The following NWD2 variants were observed in gnomAD, a reference collection of about 807,000 sequenced individuals.
NWD2 encodes NACHT and WD repeat domain-containing protein 2.
Under a neutral mutation model 132.7 loss-of-function variants are expected in NWD2, and 37 were observed. The ratio of observed to expected loss-of-function variants is 0.28; its 90% CI spans 0.21 to 0.37. The LOEUF is 0.37. NWD2 is among the 10% of genes least tolerant of loss of function. The pLI is 1.00. For synonymous variants in NWD2, 705 were observed against 803.0 expected (o/e 0.88, Z 2.06); for missense variants, 1,592 against 2,122.4 (o/e 0.75, Z 4.91).
intron 3 of NWD2, among the ~76,000 whole-genome samples, chr4:37,426,482 C>T (rs1323092163): frequency 1.3e-5 from 2 of 152,150 alleles, no homozygotes; most frequent in African/African-American, 2.4e-5. Context: ...CTTTAAGGAA[C>T]ATTCTGCCTT....
chr4:37,344,499 T>G (rs1719591240), intron 2 of NWD2, among the ~76,000 whole-genome samples: 1 of 152,130 alleles, frequency 6.6e-6, no homozygotes, highest in South Asian at 2.1e-4. Context: ...GTAGCCAAAC[T>G]ATAAGGAAAT....
intron 3 of NWD2, among the ~76,000 whole-genome samples, chr4:37,404,295 T>A (rs1720952949): frequency 6.6e-6 from 1 of 152,242 alleles, no homozygotes; most frequent in African/African-American, 2.4e-5. Context: ...GAAAGCTCTG[T>A]TGTTATTATT....
intron 4 of NWD2, among the ~76,000 whole-genome samples, chr4:37,432,399 CG>C (rs1336948320): frequency 6.6e-6 from 1 of 150,790 alleles, no homozygotes; most frequent in Admixed American, 6.6e-5. Flanking sequence ...AAATTGATCA[CG>C]TGAAACTGAT....
chr4:37,309,372 C>A (rs1718781248), intron 1 of NWD2, among the ~76,000 whole-genome samples: 2 of 152,118 alleles, frequency 1.3e-5, no homozygotes, highest in East Asian at 1.9e-4. Context: ...ATCACCTGTT[C>A]CCTTGGGTAC....
At chr4:37,384,606 A>G (rs1020382030) in intron 3 of NWD2, among the ~76,000 whole-genome samples, 9 of 152,226 alleles carry the variant, frequency 5.9e-5, no homozygotes, top group African/African-American at 1.7e-4. Flanking sequence ...ATTTAATGCT[A>G]GAACTGCTGG....
At chr4:37,307,418 GT>G (rs149705476) in intron 1 of NWD2, among the ~76,000 whole-genome samples, 1 of 151,670 alleles carries the variant, frequency 6.6e-6, no homozygotes, top group Non-Finnish European at 1.5e-5. Context: ...GGCTGCCAGG[GT>G]TTTTTTTCTT....
chr4:37,291,945 T>C (rs1479072848), intron 1 of NWD2, among the ~76,000 whole-genome samples: 2 of 152,184 alleles, frequency 1.3e-5, no homozygotes, highest in Admixed American at 6.5e-5. Flanking sequence ...ATAAGAAATA[T>C]TGTCTGAATG....
At chr4:37,364,030 G>A (rs529712561) in intron 3 of NWD2, among the ~76,000 whole-genome samples, 2 of 152,152 alleles carry the variant, frequency 1.3e-5, no homozygotes, top group South Asian at 4.1e-4. Flanking sequence ...TACTCGGGAG[G>A]CTGAGGCAGG....
At chr4:37,418,936 CT>C (rs895651293) in intron 3 of NWD2, among the ~76,000 whole-genome samples, 84 of 147,286 alleles carry the variant, frequency 5.7e-4, no homozygotes, top group African/African-American at 1.7e-3. Context: ...TGATGATGAG[CT>C]TTTTTTTTTA....
Position 37,381,694 on chromosome 4 carries a change from G to A in NWD2, c.357+25212G>A, listed in dbSNP as rs958147447. 5.2e-4 allele frequency among the ~76,000 whole-genome samples: 79 copies of A among 152,278 alleles called. 1 individual carries two copies. The highest frequency in any genetic ancestry group is 1.9e-3 in the African/African-American group (78 of 41,554). On this transcript the variant is annotated intron_variant, in intron 3 of 6. Coordinates refer to ENST00000309447, the MANE Select transcript of NWD2 (RefSeq NM_001144990.2). ...TTCTATTTCCCATCCCCATTTACCT[G>A]TAACCACATTTCCAACTTCAGAGGT...
At chr4:37,413,683 G>T (rs9684299) in intron 3 of NWD2, among the ~76,000 whole-genome samples, 20,909 of 152,070 alleles carry the variant, frequency 0.14, 1,561 homozygotes, top group East Asian at 0.29. Context: ...TATGTTTATT[G>T]CGGTGTGGTT....
Position 37,245,063 on chromosome 4 carries a change from G to T in NWD2, c.-5G>T. The T allele has an allele frequency of 6.5e-7, 1 of 1,544,726 alleles. No homozygotes were observed. The highest frequency in any genetic ancestry group is 1.2e-5 in the South Asian group (1 of 83,910). On this transcript the variant is annotated 5_prime_UTR_variant, in exon 1 of 7. In the 5' UTR this introduces an upstream ATG that the reference lacks. Coordinates refer to ENST00000309447, the MANE Select transcript of NWD2 (RefSeq NM_001144990.2). Reference sequence around the variant, plus strand: ...GGCGGCAGTGGCTGTTCCTCCCAGAGGGCGATGTGGCCGGCCGGCGCGGGC... The same window carrying T: ...GGCGGCAGTGGCTGTTCCTCCCAGATGGCGATGTGGCCGGCCGGCGCGGGC...
chr4:37,416,949 G>C (rs1223805198), intron 3 of NWD2, among the ~76,000 whole-genome samples: 1 of 152,060 alleles, frequency 6.6e-6, no homozygotes, highest in African/African-American at 2.4e-5. Flanking sequence ...TGGGGGGAAA[G>C]GGTGGGAGGG....
intron 1 of NWD2, among the ~76,000 whole-genome samples, chr4:37,276,926 T>C (rs891522287): frequency 5.3e-5 from 8 of 151,908 alleles, no homozygotes; most frequent in African/African-American, 7.3e-5. Context: ...TAGGTGGGAA[T>C]TGAACAATGA....
At chr4:37,387,549 G>A (rs774920440) in intron 3 of NWD2, among the ~76,000 whole-genome samples, 14 of 151,124 alleles carry the variant, frequency 9.3e-5, no homozygotes, top group South Asian at 2.1e-4. Flanking sequence ...TTGTCTGTAC[G>A]TCCTGTATCT....
intron 1 of NWD2, among the ~76,000 whole-genome samples, chr4:37,253,001 ACC>A (rs11315442): frequency 0.032 from 4,320 of 136,534 alleles, 205 homozygotes; most frequent in African/African-American, 0.1. Flanking sequence ...AATTACCACA[ACC>A]CCCCCCCCTT....
intron 3 of NWD2, among the ~76,000 whole-genome samples, chr4:37,374,430 C>G (rs1720302284): frequency 6.6e-6 from 1 of 152,110 alleles, no homozygotes; most frequent in Non-Finnish European, 1.5e-5. Context: ...CAGACTAATA[C>G]AGGTGGATTG....
rs778856174 is a variant in NWD2 at position 37,443,622 on chromosome 4, C to T, written c.1634C>T (p.Thr545Met). 3.2e-5 allele frequency: 49 copies of T among 1,551,814 alleles called. No individual in the cohort carries two copies. Among genetic ancestry groups the T allele is most frequent in the Admixed American group, 9.8e-5 (5 of 50,984 alleles). Residue 545 changes from threonine (T) to methionine (M), a missense_variant, in exon 7 of 7, where the codon ACG becomes ATG. Physicochemically the swap from Thr to Met is moderately conservative, Grantham distance 81. Around this residue, in one of 7 missense-constraint regions of NWD2, gnomAD observed 1,071 missense variants for 1,398.0 expected, o/e 0.77. Coordinates refer to ENST00000309447, the MANE Select transcript of NWD2 (RefSeq NM_001144990.2). The surrounding 1 kb of genome is among the most constrained non-coding windows in gnomAD (Gnocchi z 4.1). The part of the protein sequence containing the change: ...LPRFVRIVLS[T>M]LPNKHGILQK... ...CGCTTTGTCCGGATAGTCCTTTCCA[C>T]GCTGCCCAACAAACATGGGATCTTG... is the stretch of plus-strand genomic sequence containing the variant.
chr4:37,253,848 G>A lies in NWD2; in HGVS notation c.151+8630G>A, dbSNP rs543743650. Among the ~76,000 whole-genome samples, 10 of 152,246 alleles carry A rather than the reference G, an allele frequency of 6.6e-5. No homozygotes were observed. In the South Asian group the frequency reaches 8.3e-4, roughly 13 times the overall value. ...AAACTCACAAGCACTTTTTAAAATG[G>A]CAAATGATGATTCTACAGAGTAACA... On this transcript the variant is annotated intron_variant, in intron 1 of 6. Coordinates refer to ENST00000309447, the MANE Select transcript of NWD2 (RefSeq NM_001144990.2).
Sources: gnomAD v4.1 joint callset for allele counts (sites outside exome capture counted in the v4.1 genomes callset) on GRCh38, gnomAD v4.1.1 for gene constraint, gnomAD v4.1.1 regional missense constraint, Gnocchi (gnomAD v3.1) non-coding constraint, MANE v1.5 for transcripts, NCBI Gene and HGNC (gene_info 2026-07-23, HGNC 2026-07-21) for gene names.